The following ARMC9 variants were observed in gnomAD, a reference collection of about 807,000 sequenced individuals.
The protein encoded by ARMC9 is armadillo repeat containing 9, also known as lisH domain-containing protein ARMC9.
A neutral mutation model predicts 107.0 loss-of-function variants in ARMC9; 94 were observed. The observed-to-expected ratio is 0.88, with a 90% CI of 0.74 to 1.04. ARMC9 has a LOEUF of 1.04. ARMC9 is among the 50% of genes least tolerant of loss of function. ARMC9 has a pLI of 0.00. For missense variants in ARMC9, 942 were observed against 1,030.1 expected (o/e 0.91, Z 1.17); for synonymous variants, 380 against 396.9 (o/e 0.96, Z 0.51).
intron 13 of ARMC9, 132 bp from the exon 14 acceptor site, chr2:231,272,823 T>G: frequency 7.9e-7 from 1 of 1,264,174 alleles, no homozygotes; most frequent in South Asian, 1.5e-5. Flanking sequence ...GCCCAGTAAG[T>G]TTTTTAGAAC....
intron 20 of ARMC9, among the ~76,000 whole-genome samples, chr2:231,334,555 C>T (rs1231220681): frequency 6.6e-6 from 1 of 152,228 alleles, no homozygotes; most frequent in Non-Finnish European, 1.5e-5. Flanking sequence ...AACTCATTCA[C>T]AGTTTCCAGG....
chr2:231,280,820 T>C (rs1307736247), intron 16 of ARMC9, among the ~76,000 whole-genome samples: 1 of 152,154 alleles, frequency 6.6e-6, no homozygotes, highest in Admixed American at 6.5e-5. Flanking sequence ...GGATAAAGGA[T>C]ATGACTAGAC....
chr2:231,363,883 CAA>C (rs1176736980), intron 23 of ARMC9, among the ~76,000 whole-genome samples: 359 of 16,188 alleles, frequency 0.022, 1 homozygote, highest in African/African-American at 0.062. Context: ...GACTCCGTCT[CAA>C]AAAAAAAAAA....
At chr2:231,272,675 C>T (rs941354286) in intron 13 of ARMC9, among the ~76,000 whole-genome samples, 1 of 151,730 alleles carries the variant, frequency 6.6e-6, no homozygotes, top group African/African-American at 2.4e-5. Flanking sequence ...GCCACCACAC[C>T]CAGCTAATTT....
chr2:231,251,481 AT>A (rs2037294916), intron 9 of ARMC9, among the ~76,000 whole-genome samples: 1 of 152,092 alleles, frequency 6.6e-6, no homozygotes, highest in South Asian at 2.1e-4. Context: ...CTCTTAACTA[AT>A]TTAATTCCTT....
intron 10 of ARMC9, among the ~76,000 whole-genome samples, chr2:231,256,869 A>G (rs564506036): frequency 2.6e-5 from 4 of 152,310 alleles, no homozygotes; most frequent in African/African-American, 7.2e-5. Context: ...CTTGTTGCCC[A>G]GGCTGGAGTA....
At chr2:231,302,459 T>TTTTTTTTC in intron 19 of ARMC9, among the ~76,000 whole-genome samples, 1 of 146,310 alleles carries the variant, frequency 6.8e-6, no homozygotes, top group South Asian at 2.2e-4. Context: ...TTTTTTTTTT[T>TTTTTTTTC]TTTGCCAATC....
intron 19 of ARMC9, among the ~76,000 whole-genome samples, chr2:231,331,509 A>G (rs1371337911): frequency 6.6e-6 from 1 of 152,130 alleles, no homozygotes; most frequent in Admixed American, 6.5e-5. Context: ...TGTGATTAGG[A>G]GAGACTTTAA....
At chr2:231,361,025 C>A in intron 23 of ARMC9, 142 bp downstream of exon 23, 1 of 1,329,832 alleles carries the variant, frequency 7.5e-7, no homozygotes, top group Non-Finnish European at 1.0e-6. Flanking sequence ...GGAGCAGTGT[C>A]AAGATTCCCA....
intron 21 of ARMC9, 23 bp from the exon 22 acceptor site, chr2:231,355,775 C>A: frequency 6.6e-7 from 1 of 1,521,268 alleles, no homozygotes. Context: ...GTACTCACTG[C>A]CGTTTTTCAT....
At chr2:231,259,817 AC>A (rs1360783214) in intron 11 of ARMC9, among the ~76,000 whole-genome samples, 3 of 152,016 alleles carry the variant, frequency 2.0e-5, no homozygotes, top group Non-Finnish European at 1.5e-5. Context: ...ACATGGCAAA[AC>A]CCCATCTCTA....
At chr2:231,271,922 G>A (rs571125075) in intron 13 of ARMC9, among the ~76,000 whole-genome samples, 1 of 152,108 alleles carries the variant, frequency 6.6e-6, no homozygotes, top group Admixed American at 6.6e-5. Context: ...TGCCTCTGTT[G>A]TGAAGACTTA....
intron 19 of ARMC9, among the ~76,000 whole-genome samples, chr2:231,318,816 C>T (rs771566282): frequency 6.6e-6 from 1 of 152,194 alleles, no homozygotes; most frequent in African/African-American, 2.4e-5. Context: ...GTTCCAGGAA[C>T]AGGAGTATAT....
At chr2:231,233,610 G>T (rs1430548397) in intron 7 of ARMC9, among the ~76,000 whole-genome samples, 4 of 151,924 alleles carry the variant, frequency 2.6e-5, no homozygotes, top group Non-Finnish European at 4.4e-5. Flanking sequence ...AACCCCGTCT[G>T]TACTAAAAAT....
chr2:231,322,372 C>T (rs1368465089), intron 19 of ARMC9, among the ~76,000 whole-genome samples: 3 of 152,196 alleles, frequency 2.0e-5, no homozygotes, highest in Non-Finnish European at 2.9e-5. Flanking sequence ...TACAATTCAG[C>T]GTTCTGAGAA....
At chr2:231,283,669 A>G (rs905433434) in intron 17 of ARMC9, among the ~76,000 whole-genome samples, 2 of 152,120 alleles carry the variant, frequency 1.3e-5, no homozygotes, top group Admixed American at 6.6e-5. Flanking sequence ...ACCTCAAGTG[A>G]TCCACCTGCC....
At chr2:231,204,116 G>C (rs1366232524) in intron 1 of ARMC9, among the ~76,000 whole-genome samples, 1 of 149,476 alleles carries the variant, frequency 6.7e-6, no homozygotes, top group Admixed American at 6.7e-5. Context: ...TGAGGCTGCA[G>C]TGAGCTATGA....
chr2:231,256,330 G>A, intron 9 of ARMC9: 1 of 1,542,060 alleles, frequency 6.5e-7, no homozygotes, highest in Non-Finnish European at 8.8e-7. Context: ...CTGGGTCTTG[G>A]ATGTCGGGTT....
intron 20 of ARMC9, among the ~76,000 whole-genome samples, chr2:231,338,589 G>A (rs912924534): frequency 2.7e-5 from 4 of 147,734 alleles, no homozygotes; most frequent in Non-Finnish European, 5.9e-5. Flanking sequence ...ACACAGGCTG[G>A]AATGCGGTAG....
Sources: gnomAD v4.1 joint callset for allele counts (sites outside exome capture counted in the v4.1 genomes callset) on GRCh38, gnomAD v4.1.1 for gene constraint, MANE v1.5 for transcripts, NCBI Gene and HGNC (gene_info 2026-07-23, HGNC 2026-07-21) for gene names.